The following FBLN1 variants were observed in gnomAD, a reference collection of about 807,000 sequenced individuals.
FBLN1 encodes fibulin-1.
In FBLN1, 34 loss-of-function variants were observed where a neutral mutation model predicts 89.7. The ratio of observed to expected loss-of-function variants is 0.38; its 90% CI spans 0.29 to 0.50. The LOEUF (loss-of-function observed/expected upper bound fraction) is 0.50. Among genes scored for constraint, FBLN1 ranks in the 20% least tolerant of loss-of-function variants. The probability of loss-of-function intolerance (pLI) is 0.92; values close to 1 mark genes in which losing one functional copy is unlikely to be tolerated. For synonymous variants in FBLN1, 393 were observed against 391.3 expected (o/e 1.00, Z -0.05); for missense variants, 777 against 988.1 (o/e 0.79, Z 2.86).
chr22:45,508,113 A>C (rs1305801079), intron 1 of FBLN1, among the ~76,000 whole-genome samples: 1 of 151,924 alleles, frequency 6.6e-6, no homozygotes, highest in East Asian at 1.9e-4. Flanking sequence ...CTAGCCCTGC[A>C]AAGGAGGTGC....
chr22:45,527,490 G>A (rs1446574481), intron 3 of FBLN1, among the ~76,000 whole-genome samples: 1 of 152,150 alleles, frequency 6.6e-6, no homozygotes, highest in African/African-American at 2.4e-5. Flanking sequence ...TGGAGCTGGT[G>A]CATGGTGCTA....
rs1344739050 is a variant in FBLN1 at position 45,574,746 on chromosome 22, A to C, written c.1840+93A>C. On this transcript the variant is annotated intron_variant, in intron 15 of 16. Coordinates refer to ENST00000327858, the MANE Select transcript of FBLN1 (RefSeq NM_006486.3). The surrounding 1 kb of genome is among the most constrained non-coding windows in gnomAD (Gnocchi z 4.1). Reference sequence around the variant, plus strand: ...GCCTACAGGAGTTGTTCCTTGTAAGATGTGGCCCAGGCTTTGAAATGCAGA... The same window carrying C: ...GCCTACAGGAGTTGTTCCTTGTAAGCTGTGGCCCAGGCTTTGAAATGCAGA... 1.2e-5 allele frequency: 10 copies of C among 812,016 alleles called. No individual in the cohort carries two copies. The highest frequency in any genetic ancestry group is 1.8e-5 in the African/African-American group (1 of 55,826). The allele number at this position is 812,016 out of a possible 1,614,324, so 50.3% of individuals were successfully genotyped here.
intron 16 of FBLN1, among the ~76,000 whole-genome samples, chr22:45,591,809 G>A (rs12160276): frequency 0.014 from 1,121 of 81,732 alleles, 28 homozygotes; most frequent in African/African-American, 0.063. Flanking sequence ...AGACAGGAGG[G>A]AGGAAGTGTC....
intron 14 of FBLN1, among the ~76,000 whole-genome samples, chr22:45,566,758 T>C (rs1363728186): frequency 6.6e-6 from 1 of 152,192 alleles, no homozygotes; most frequent in African/African-American, 2.4e-5. Context: ...TCAGAGAGTT[T>C]GGAGGGATCC....
In FBLN1 at chr22:45,578,704, G is replaced by A. The variant is rs897671417; in HGVS notation, c.1972+1596G>A. 1.3e-5 allele frequency among the ~76,000 whole-genome samples: 2 copies of A among 152,248 alleles called. No individual in the cohort carries two copies. Among genetic ancestry groups the A allele is most frequent in the Non-Finnish European group, 2.9e-5 (2 of 68,034 alleles). ...CCACAGCCGCCCCCCGCCCCAAAGG[G>A]GCCAGCCCTGTGCTTGATGCTGGGC... On this transcript the variant is annotated intron_variant, in intron 16 of 16. Coordinates refer to ENST00000327858, the MANE Select transcript of FBLN1 (RefSeq NM_006486.3). The surrounding 1 kb of genome is among the most constrained non-coding windows in gnomAD (Gnocchi z 4.6).
intron 16 of FBLN1, among the ~76,000 whole-genome samples, chr22:45,586,420 C>T (rs982054720): frequency 7.2e-5 from 11 of 152,162 alleles, no homozygotes; most frequent in African/African-American, 2.2e-4. Context: ...TTTGGTGTAG[C>T]GCAGGTGAGA....
chr22:45,535,408 T>C, intron 8 of FBLN1, 71 bp downstream of exon 8: 12 of 1,589,462 alleles, frequency 7.5e-6, no homozygotes, highest in Non-Finnish European at 1.0e-5. Flanking sequence ...GGGGCAGGCC[T>C]CTAGAATCTG....
intron 2 of FBLN1, among the ~76,000 whole-genome samples, chr22:45,519,624 CAA>C (rs136720): frequency 3.0e-4 from 35 of 117,308 alleles, no homozygotes; most frequent in South Asian, 2.8e-4. Flanking sequence ...AACTCTAACT[CAA>C]AAAAAAAAAA....
intron 16 of FBLN1, among the ~76,000 whole-genome samples, chr22:45,582,385 G>A (rs1375371783): frequency 6.6e-6 from 1 of 152,204 alleles, no homozygotes; most frequent in Non-Finnish European, 1.5e-5. Context: ...AGACCTCCCT[G>A]TATGTCCAGG....
Position 45,563,578 on chromosome 22 carries a change from CTTGTCTTCAT to C in FBLN1, c.1698-10928_1698-10919del, listed in dbSNP as rs1468260161. Among the ~76,000 whole-genome samples, 1 of 152,220 alleles carries C rather than the reference CTTGTCTTCAT, an allele frequency of 6.6e-6. No individual in the cohort carries two copies. The highest frequency in any genetic ancestry group is 1.9e-4 in the East Asian group (1 of 5,188). ...GGGTACATCATTTCACATGTGTTAA[CTTGTCTTCAT>C]TTGTGTTGAACCCAAAGAATAAAGG... On this transcript the variant is annotated intron_variant, in intron 14 of 16. Coordinates refer to ENST00000327858, the MANE Select transcript of FBLN1 (RefSeq NM_006486.3). This position sits in a 1 kb window ranked among gnomAD's most constrained non-coding sequence, Gnocchi z 5.7.
At chr22:45,555,108 ACCCGTCCCCGTCTCCACCCCAGGAGGTTG>A in intron 14 of FBLN1, among the ~76,000 whole-genome samples, 1 of 151,594 alleles carries the variant, frequency 6.6e-6, no homozygotes, top group Non-Finnish European at 1.5e-5. Context: ...GGAGGTTGGG[ACCCGTCCCCGTCTCCACCCCAGGAGGTTG>A]GGACCCGTCC....
At chr22:45,505,150 G>T (rs1347224683) in intron 1 of FBLN1, among the ~76,000 whole-genome samples, 1 of 151,400 alleles carries the variant, frequency 6.6e-6, no homozygotes, top group Non-Finnish European at 1.5e-5. Context: ...TGTCTGTCCT[G>T]TGTCTGTCCG....
chr22:45,504,075 C>G (rs552517600), intron 1 of FBLN1, among the ~76,000 whole-genome samples: 1 of 152,326 alleles, frequency 6.6e-6, no homozygotes, highest in East Asian at 1.9e-4. Flanking sequence ...GGGGAGTGCC[C>G]TAGACCACCC....
chr22:45,578,386 G>A lies in FBLN1; in HGVS notation c.1972+1278G>A, dbSNP rs966682615. On this transcript the variant is annotated intron_variant, in intron 16 of 16. Transcript: ENST00000327858. The surrounding 1 kb of genome is among the most constrained non-coding windows in gnomAD (Gnocchi z 4.6). Reference sequence around the variant, plus strand: ...GCTCCCCACCCCAGCCTCCTCCTGCGCTAGCTGGCAGCAGGAATAATTAGT... The same window carrying A: ...GCTCCCCACCCCAGCCTCCTCCTGCACTAGCTGGCAGCAGGAATAATTAGT... 6.6e-6 allele frequency: 1 copy of A among 152,176 alleles called. No individual in the cohort carries two copies. The highest frequency in any genetic ancestry group is 1.5e-5 in the Non-Finnish European group (1 of 68,034). The allele number at this position is 152,176 out of a possible 1,614,324, so 9.4% of individuals were successfully genotyped here. A position where few individuals can be genotyped will look rare whatever the true frequency, so the allele number is the denominator to read the frequency against.
At chr22:45,526,964 T>A (rs470065) in intron 3 of FBLN1, among the ~76,000 whole-genome samples, 39 of 152,252 alleles carry the variant, frequency 2.6e-4, no homozygotes, top group African/African-American at 8.9e-4. Context: ...GGAACAGATC[T>A]CTCTGGCAGA....
chr22:45,592,927 T>G (rs936568610), intron 16 of FBLN1, among the ~76,000 whole-genome samples: 1 of 152,182 alleles, frequency 6.6e-6, no homozygotes, highest in African/African-American at 2.4e-5. Context: ...GTCTCTTGAT[T>G]CATCATCTGG....
chr22:45,517,390 C>A (rs1448822316), intron 1 of FBLN1: 2 of 356,012 alleles, frequency 5.6e-6, no homozygotes, highest in African/African-American at 4.3e-5. Flanking sequence ...GGCCGCTCCT[C>A]CCTTGGGGCA....
intron 16 of FBLN1, among the ~76,000 whole-genome samples, chr22:45,594,662 A>G (rs2089167752): frequency 6.6e-6 from 1 of 151,568 alleles, no homozygotes; most frequent in South Asian, 2.1e-4. Context: ...GGATGGTTGG[A>G]TCCATGGGTA....
At chr22:45,582,961 A>T (rs371630410) in intron 16 of FBLN1, among the ~76,000 whole-genome samples, 2 of 152,116 alleles carry the variant, frequency 1.3e-5, no homozygotes, top group South Asian at 4.1e-4. Context: ...TAGGGACAGT[A>T]TTTGGAGACT....
Sources: gnomAD v4.1 joint callset for allele counts (sites outside exome capture counted in the v4.1 genomes callset) on GRCh38, gnomAD v4.1.1 for gene constraint, Gnocchi (gnomAD v3.1) non-coding constraint, MANE v1.5 for transcripts, NCBI Gene and HGNC (gene_info 2026-07-23, HGNC 2026-07-21) for gene names.